TAB3: variants seen among roughly 807,000 people sequenced by gnomAD.
TAB3 encodes the protein TGF-beta activated kinase 1 (MAP3K7) binding protein 3.
TAB3 carries 18 observed loss-of-function variants against 48.1 expected under a neutral mutation model. The ratio of observed to expected loss-of-function variants is 0.37; its 90% CI spans 0.26 to 0.55. TAB3 has a LOEUF of 0.55. Among genes scored for constraint, TAB3 ranks in the 20% least tolerant of loss-of-function variants. The probability of loss-of-function intolerance (pLI) is 0.78; values close to 1 mark genes in which losing one functional copy is unlikely to be tolerated. For missense variants in TAB3, 414 were observed against 549.8 expected (o/e 0.75, Z 2.47); for synonymous variants, 185 against 190.2 (o/e 0.97, Z 0.22).
chrX:30,883,150 C>T (rs925820221), intron 1 of TAB3, among the ~76,000 whole-genome samples: 2 of 111,097 alleles, frequency 1.8e-5, no homozygotes, highest in Admixed American at 1.9e-4. Context: ...CCCCTAAACC[C>T]CTTAAAAAAT....
At chrX:30,860,148 T>C (rs954406875) in intron 4 of TAB3, among the ~76,000 whole-genome samples, 5 of 111,610 alleles carry the variant, frequency 4.5e-5, no homozygotes, top group Non-Finnish European at 9.4e-5. Flanking sequence ...CGTGTGTCCG[T>C]ATCAATGAAG....
intron 2 of TAB3, among the ~76,000 whole-genome samples, chrX:30,867,943 C>G (rs1389097888): frequency 5.8e-5 from 6 of 104,182 alleles, no homozygotes; most frequent in Non-Finnish European, 7.8e-5. Flanking sequence ...TTGAGACAGG[C>G]TAGAGTATAG....
At chrX:30,847,899 T>C (rs1340877110) in intron 7 of TAB3, among the ~76,000 whole-genome samples, 1 of 112,367 alleles carries the variant, frequency 8.9e-6, no homozygotes, top group African/African-American at 3.2e-5. Flanking sequence ...AAAAGTCGTT[T>C]AGAAATATTT....
chrX:30,879,005 G>C (rs1035390798), intron 1 of TAB3, among the ~76,000 whole-genome samples: 2 of 111,288 alleles, frequency 1.8e-5, no homozygotes, highest in African/African-American at 6.5e-5. Flanking sequence ...AAGGAAACAA[G>C]GGTATAAACA....
At chrX:30,888,713 G>A (rs772013995) in intron 1 of TAB3, among the ~76,000 whole-genome samples, 4 of 112,730 alleles carry the variant, frequency 3.5e-5, no homozygotes, top group Admixed American at 9.2e-5. Flanking sequence ...CGGCCCCCAC[G>A]CTGGTGCTGC....
Position 30,834,105 on chromosome X carries a change from C to T in TAB3, c.1936G>A (p.Val646Met), listed in dbSNP as rs149043136. 63 of 1,209,794 alleles carry T rather than the reference C, an allele frequency of 5.2e-5. No individual in the cohort carries two copies. The African/African-American group carries it at 9.3e-4, about 18-fold the overall frequency. ...TIERKARRISVTSKVQADIHD... is the reference protein window; with the variant it reads ...TIERKARRISMTSKVQADIHD... ...ATGTCTGCCTGTACTTTGGAGGTCACGCTAATTCTTCGGGCTTTTCTCTCA... is the reference window on the plus strand; with the variant it reads ...ATGTCTGCCTGTACTTTGGAGGTCATGCTAATTCTTCGGGCTTTTCTCTCA... Residue 646 changes from valine (V) to methionine (M), a missense_variant, in exon 10 of 11, where the codon GTG becomes ATG. Coordinates refer to ENST00000288422, the MANE Select transcript of TAB3 (RefSeq NM_152787.5).
intron 4 of TAB3, among the ~76,000 whole-genome samples, chrX:30,860,183 A>G (rs1205330923): frequency 1.8e-5 from 2 of 112,255 alleles, no homozygotes; most frequent in Non-Finnish European, 3.8e-5. Flanking sequence ...ACCTACAAAA[A>G]TAGGGGAGAA....
At chrX:30,878,164 G>A (rs373755553) in intron 1 of TAB3, among the ~76,000 whole-genome samples, 5 of 111,969 alleles carry the variant, frequency 4.5e-5, no homozygotes, top group South Asian at 7.4e-4. Context: ...CTAGGAGAAT[G>A]AGACATGCAT....
At chrX:30,886,601 C>A (rs1478449506) in intron 1 of TAB3, among the ~76,000 whole-genome samples, 3 of 111,968 alleles carry the variant, frequency 2.7e-5, no homozygotes, top group African/African-American at 9.8e-5. Flanking sequence ...TGAAGGCCCC[C>A]AAACAATGTA....
intron 1 of TAB3, among the ~76,000 whole-genome samples, chrX:30,875,301 C>G (rs1185381370): frequency 8.9e-6 from 1 of 111,887 alleles, no homozygotes; most frequent in Middle Eastern, 4.6e-3. Context: ...CCTCTTAGGC[C>G]CAGTTTCCTA....
intron 9 of TAB3, among the ~76,000 whole-genome samples, chrX:30,839,120 C>A (rs1015019162): frequency 9.0e-6 from 1 of 111,395 alleles, no homozygotes; most frequent in Non-Finnish European, 1.9e-5. Context: ...GTAATAATGG[C>A]AGCTAAAGGT....
At chrX:30,878,700 T>A (rs922293869) in intron 1 of TAB3, among the ~76,000 whole-genome samples, 1 of 111,202 alleles carries the variant, frequency 9.0e-6, no homozygotes, top group African/African-American at 3.3e-5. Context: ...ACTGACCACA[T>A]GCTAAGCCAT....
chrX:30,852,619 A>G (rs1405625754), intron 7 of TAB3, among the ~76,000 whole-genome samples, 159 bp downstream of exon 7: 1 of 111,613 alleles, frequency 9.0e-6, no homozygotes, highest in Non-Finnish European at 1.9e-5. Flanking sequence ...GAGAACTACT[A>G]AAGGCAAAAG....
In TAB3 at chrX:30,852,190, C is replaced by T. The variant is rs182883105; in HGVS notation, c.1710+588G>A. Reference sequence around the variant, plus strand: ...GATCGTTAGAACTCATATATATTAACCAACATGTTAAAACTATATTATCTG... The same window carrying T: ...GATCGTTAGAACTCATATATATTAATCAACATGTTAAAACTATATTATCTG... On this transcript the variant is annotated intron_variant, in intron 7 of 10. Transcript: ENST00000288422. Among the ~76,000 whole-genome samples the T allele has an allele frequency of 4.2e-3, 467 of 112,071 alleles. 1 individual carries two copies. The highest frequency in any genetic ancestry group is 0.014 in the African/African-American group (424 of 30,867).
intron 1 of TAB3, among the ~76,000 whole-genome samples, chrX:30,876,678 G>A (rs1485097032): frequency 9.0e-6 from 1 of 110,876 alleles, no homozygotes; most frequent in East Asian, 2.8e-4. Context: ...GCTAATTTCT[G>A]TATTTTTTTT....
rs1939190364 is a variant in TAB3 at position 30,859,583 on chromosome X, C to T, written c.6G>A (p.Ala2=). M[A]QSSPQLDIQV... ...GAATATCAAGCTGTGGGCTGCTTTG[C>T]GCCATGCCAGAGCAAATGGTGGCCA... Residue 2 remains alanine (A), a synonymous_variant, in exon 5 of 11, where the codon GCG becomes GCA. Coordinates refer to ENST00000288422, the MANE Select transcript of TAB3 (RefSeq NM_152787.5). 4.2e-6 allele frequency: 5 copies of T among 1,200,630 alleles called. No homozygotes were observed. Among genetic ancestry groups the T allele is most frequent in the Non-Finnish European group, 5.6e-6 (5 of 888,284 alleles).
chrX:30,854,369 T>G lies in TAB3; in HGVS notation c.1296A>C (p.Thr432=). 1 of 1,211,904 alleles carries G rather than the reference T, an allele frequency of 8.3e-7. No homozygotes were observed. Among genetic ancestry groups the G allele is most frequent in the Non-Finnish European group, 1.1e-6 (1 of 895,543 alleles). Residue 432 remains threonine (T), a synonymous_variant, in exon 6 of 11, where the codon ACA becomes ACC. Transcript: ENST00000288422. Reference sequence around the variant, plus strand: ...GAGTACAAGAAGGTCCAGTTGGCTGTGTATATGTAATATACACAGGATTAA... The same window carrying G: ...GAGTACAAGAAGGTCCAGTTGGCTGGGTATATGTAATATACACAGGATTAA... The part of the protein sequence containing the change: ...FSVNPVYITY[T]QPTGPSCTPS...
chrX:30,883,466 G>A (rs1350220999), intron 1 of TAB3, among the ~76,000 whole-genome samples: 3 of 107,434 alleles, frequency 2.8e-5, no homozygotes, highest in African/African-American at 1.1e-4. Context: ...ATAGAACAGA[G>A]ATTTGAAGAT....
chrX:30,850,120 G>C (rs1285207630), intron 7 of TAB3, among the ~76,000 whole-genome samples: 1 of 111,413 alleles, frequency 9.0e-6, no homozygotes, highest in Non-Finnish European at 1.9e-5. Context: ...GATTCAAACT[G>C]GCACCTGACT....
Sources: gnomAD v4.1 joint callset for allele counts (sites outside exome capture counted in the v4.1 genomes callset) on GRCh38, gnomAD v4.1.1 for gene constraint, MANE v1.5 for transcripts, NCBI Gene and HGNC (gene_info 2026-07-23, HGNC 2026-07-21) for gene names.